L3MBTL3: variants seen among roughly 807,000 people sequenced by gnomAD.
L3MBTL3 encodes lethal(3)malignant brain tumor-like protein 3.
Under a neutral mutation model 102.3 loss-of-function variants are expected in L3MBTL3, and 27 were observed. That is an observed-to-expected ratio of 0.26 (90% CI 0.19 to 0.36). The LOEUF is 0.36. Ranked by LOEUF, L3MBTL3 falls within the 10% of genes least tolerant of loss-of-function variation. L3MBTL3 has a pLI of 1.00. For synonymous variants in L3MBTL3, 340 were observed against 320.9 expected (o/e 1.06, Z -0.64); for missense variants, 798 against 955.3 (o/e 0.84, Z 2.17).
At chr6:130,058,042 C>T (rs1584342093) in intron 9 of L3MBTL3, among the ~76,000 whole-genome samples, 1 of 149,470 alleles carries the variant, frequency 6.7e-6, no homozygotes, top group East Asian at 2.0e-4. Context: ...ACTCGGGAGG[C>T]TGAGGCAGGA....
intron 19 of L3MBTL3, among the ~76,000 whole-genome samples, chr6:130,110,682 A>C (rs1329662520): frequency 6.6e-6 from 1 of 152,112 alleles, no homozygotes; most frequent in Admixed American, 6.5e-5. Flanking sequence ...AATATGCTTT[A>C]TTTCTTTCTC....
intron 16 of L3MBTL3, among the ~76,000 whole-genome samples, chr6:130,088,863 A>T (rs545406488): frequency 2.2e-4 from 34 of 152,022 alleles, no homozygotes; most frequent in African/African-American, 8.2e-4. Context: ...CCTTCCCCTT[A>T]TCTTTTCAGT....
chr6:130,063,950 A>G (rs1782076879), intron 10 of L3MBTL3, among the ~76,000 whole-genome samples: 1 of 152,214 alleles, frequency 6.6e-6, no homozygotes, highest in African/African-American at 2.4e-5. Context: ...GAGTGACTCA[A>G]AAGTGTTGTC....
At chr6:130,073,189 T>G (rs1782743364) in intron 13 of L3MBTL3, among the ~76,000 whole-genome samples, 1 of 152,178 alleles carries the variant, frequency 6.6e-6, no homozygotes, top group Non-Finnish European at 1.5e-5. Flanking sequence ...GGGAGATCAC[T>G]TGAACCCAGG....
chr6:130,077,783 G>T (rs558024294), intron 13 of L3MBTL3, among the ~76,000 whole-genome samples: 1 of 152,140 alleles, frequency 6.6e-6, no homozygotes, highest in Non-Finnish European at 1.5e-5. Context: ...TCTCAGTATG[G>T]ACTCAACAGA....
intron 19 of L3MBTL3, among the ~76,000 whole-genome samples, chr6:130,108,475 C>T (rs1006702999): frequency 2.0e-5 from 3 of 151,930 alleles, no homozygotes; most frequent in Admixed American, 6.6e-5. Context: ...ACTTCCTGAT[C>T]TGTTGCCTCG....
intron 19 of L3MBTL3, among the ~76,000 whole-genome samples, chr6:130,104,851 C>T (rs1784894071): frequency 6.6e-6 from 1 of 151,366 alleles, no homozygotes; most frequent in South Asian, 2.1e-4. Flanking sequence ...TTGGAAATTC[C>T]AGTCATTTTA....
At chr6:130,091,631 T>C (rs977393257) in intron 16 of L3MBTL3, among the ~76,000 whole-genome samples, 16 of 151,878 alleles carry the variant, frequency 1.1e-4, no homozygotes, top group African/African-American at 3.9e-4. Flanking sequence ...GAGGAATGGA[T>C]AAAGAGAAGT....
At chr6:130,029,010 G>A (rs1303421293) in intron 2 of L3MBTL3, among the ~76,000 whole-genome samples, 1 of 152,004 alleles carries the variant, frequency 6.6e-6, no homozygotes, top group Non-Finnish European at 1.5e-5. Flanking sequence ...GTAGTGTATT[G>A]TATTTTCCTC....
chr6:130,027,930 A>G (rs1309450826), intron 2 of L3MBTL3, among the ~76,000 whole-genome samples: 1 of 152,148 alleles, frequency 6.6e-6, no homozygotes, highest in East Asian at 1.9e-4. Context: ...ATGATATGCT[A>G]GCACTTTAAA....
At chr6:130,084,565 G>A (rs1783559967) in intron 15 of L3MBTL3, among the ~76,000 whole-genome samples, 2 of 152,146 alleles carry the variant, frequency 1.3e-5, no homozygotes, top group African/African-American at 4.8e-5. Flanking sequence ...TCATCTGATA[G>A]TAAGTTGAAG....
intron 19 of L3MBTL3, among the ~76,000 whole-genome samples, chr6:130,113,181 G>A (rs1785458113): frequency 6.6e-6 from 1 of 152,178 alleles, no homozygotes; most frequent in African/African-American, 2.4e-5. Context: ...TGTTAAAAAT[G>A]TGGCTTTTGA....
At chr6:130,120,826 C>A in intron 19 of L3MBTL3, 53 bp from the exon 20 acceptor site, 3 of 1,371,580 alleles carry the variant, frequency 2.2e-6, no homozygotes, top group Admixed American at 1.7e-5. Context: ...AGTTCTGAAC[C>A]ATTTTTTTAA....
chr6:130,060,582 A>G (rs539282073), intron 10 of L3MBTL3, among the ~76,000 whole-genome samples: 1 of 152,008 alleles, frequency 6.6e-6, no homozygotes, highest in Non-Finnish European at 1.5e-5. Flanking sequence ...AGAGTACTTT[A>G]AAAACTGTGA....
intron 18 of L3MBTL3, among the ~76,000 whole-genome samples, chr6:130,096,349 C>T (rs2115270539): frequency 6.6e-6 from 1 of 152,302 alleles, no homozygotes; most frequent in Middle Eastern, 3.4e-3. Context: ...AATATCAGAA[C>T]TTTGGCACAC....
chr6:130,028,889 A>G (rs1397419628), intron 2 of L3MBTL3, among the ~76,000 whole-genome samples: 3 of 152,216 alleles, frequency 2.0e-5, no homozygotes, highest in African/African-American at 7.2e-5. Context: ...AGGTAAACAA[A>G]TACTTAGCAG....
intron 16 of L3MBTL3, among the ~76,000 whole-genome samples, chr6:130,086,535 G>A (rs1783704077): frequency 6.6e-6 from 1 of 152,164 alleles, no homozygotes; most frequent in Non-Finnish European, 1.5e-5. Context: ...CAGAAGAAAA[G>A]ATACTTCATT....
At chr6:130,076,986 A>C (rs941740509) in intron 13 of L3MBTL3, among the ~76,000 whole-genome samples, 1 of 152,154 alleles carries the variant, frequency 6.6e-6, no homozygotes, top group South Asian at 2.1e-4. Flanking sequence ...CCTTAATTGC[A>C]ATTTGTATAT....
chr6:130,022,472 G>C (rs1276331279), intron 2 of L3MBTL3, among the ~76,000 whole-genome samples, 167 bp downstream of exon 2: 2 of 152,112 alleles, frequency 1.3e-5, no homozygotes, highest in African/African-American at 4.8e-5. Flanking sequence ...ATTGTAGTTT[G>C]GATGAAACAT....
Sources: allele counts gnomAD v4.1 joint callset (sites outside exome capture counted in the v4.1 genomes callset), GRCh38; gene constraint gnomAD v4.1.1; transcripts MANE v1.5; gene names NCBI Gene and HGNC (gene_info 2026-07-23, HGNC 2026-07-21).